Variants in MYLK3 observed in about 807,000 individuals in gnomAD.
MYLK3 encodes myosin light chain kinase 3.
Under a neutral mutation model 76.3 loss-of-function variants are expected in MYLK3, and 55 were observed. That is an observed-to-expected ratio of 0.72 (90% confidence interval 0.58 to 0.90). MYLK3 has a LOEUF of 0.90. MYLK3 is among the 40% of genes least tolerant of loss of function. The pLI is 0.00. For missense variants in MYLK3, 973 were observed against 1,053.6 expected (o/e 0.92, Z 1.06); for synonymous variants, 416 against 425.4 (o/e 0.98, Z 0.27).
exon 1 of MYLK3, chr16:46,763,130 T>G: frequency 1.0e-6 from 1 of 984,452 alleles, no homozygotes; most frequent in Non-Finnish European, 1.2e-6. Flanking sequence ...ACCTCCATCT[T>G]ATACACAGAC....
intron 8 of MYLK3, among the ~76,000 whole-genome samples, chr16:46,722,975 G>C (rs1596754197): frequency 6.6e-6 from 1 of 152,178 alleles, no homozygotes; most frequent in East Asian, 1.9e-4. Context: ...ACCTCCCAAA[G>C]TACTGGGATC....
At chr16:46,729,186 G>C (rs1475402978) in intron 6 of MYLK3, 53 bp from the exon 7 acceptor site, 1 of 1,409,140 alleles carries the variant, frequency 7.1e-7, no homozygotes, top group Admixed American at 1.7e-5. Context: ...TCAAGAAGAG[G>C]AGCCAGCTGA....
chr16:46,730,728 C>A (rs1442063464), intron 4 of MYLK3, 30 bp from the exon 5 acceptor site: 1 of 1,602,772 alleles, frequency 6.2e-7, no homozygotes, highest in South Asian at 1.1e-5. Context: ...GACCTGTGAG[C>A]CTCCTCTGTG....
At position 46,710,624 on chromosome 16, in the gene MYLK3, C is replaced by A; in HGVS notation, c.2267+13G>T. On this transcript the variant is annotated intron_variant, in intron 11 of 12. Transcript: ENST00000394809. ...ATCAGAAGGGCCCATGAGTGACAAGCAATGAAAGGTACCTCTTCTCTTTGA... is the reference window on the plus strand; with the variant it reads ...ATCAGAAGGGCCCATGAGTGACAAGAAATGAAAGGTACCTCTTCTCTTTGA... 1 of 1,613,960 alleles carries A rather than the reference C, an allele frequency of 6.2e-7. No homozygotes were observed. The highest frequency in any genetic ancestry group is 8.5e-7 in the Non-Finnish European group (1 of 1,180,010).
At chr16:46,729,724 A>T in intron 5 of MYLK3, 37 bp from the exon 6 acceptor site, 1 of 1,586,890 alleles carries the variant, frequency 6.3e-7, no homozygotes, top group Non-Finnish European at 8.7e-7. Flanking sequence ...CTGAGAGCCC[A>T]GAGGCTCATC....
chr16:46,707,773 A>C lies in MYLK3; in HGVS notation c.2401-10T>G, dbSNP rs1386983337. Reference sequence around the variant, plus strand: ...CCACATAGAAATGTTTCTTGAGGCAAGGAGAGAATAAAAGAAAAGAAAAAG... The same window carrying C: ...CCACATAGAAATGTTTCTTGAGGCACGGAGAGAATAAAAGAAAAGAAAAAG... On this transcript the variant is annotated splice_polypyrimidine_tract_variant and intron_variant, in intron 12 of 12. Coordinates refer to ENST00000394809, the MANE Select transcript of MYLK3 (RefSeq NM_182493.3). The C allele has an allele frequency of 1.9e-6, 3 of 1,603,058 alleles. No homozygotes were observed. The Admixed American group carries it at 5.1e-5, about 27-fold the overall frequency.
chr16:46,726,172 A>C (rs1966840100), intron 8 of MYLK3: 1 of 152,166 alleles, frequency 6.6e-6, no homozygotes, highest in Non-Finnish European at 1.5e-5. Context: ...ATTATGTTCC[A>C]TTGGTCTATG....
At chr16:46,748,434 C>G (rs892843028), upstream of MYLK3, 5 of 629,940 alleles carry the variant, frequency 7.9e-6, no homozygotes, top group African/African-American at 9.2e-5. This position sits in a 1 kb window ranked among gnomAD's most constrained non-coding sequence, Gnocchi z 4.3. Flanking sequence ...CCGAGGTCAG[C>G]CCAGGCCCTT....
chr16:46,748,298 T>G lies in MYLK3; in HGVS notation c.-105A>C. The G allele has an allele frequency of 2.1e-6, 3 of 1,458,046 alleles. No individual in the cohort carries two copies. The highest frequency in any genetic ancestry group is 1.8e-6 in the Non-Finnish European group (2 of 1,108,580). The allele number at this position is 1,458,046 out of a possible 1,614,324, so 90.3% of individuals were successfully genotyped here. On this transcript the variant is annotated 5_prime_UTR_variant, in exon 1 of 13. Transcript: ENST00000394809. This position sits in a 1 kb window ranked among gnomAD's most constrained non-coding sequence, Gnocchi z 4.3. ...CTGCAAGGTCATTGTCCTCCGTAGC[T>G]GACAGACTCCTGGCAGCACCAACCT...
At chr16:46,729,488 AG>A in intron 6 of MYLK3, 105 bp downstream of exon 6, 1 of 1,035,684 alleles carries the variant, frequency 9.7e-7, no homozygotes. Context: ...GGAAAAGAGC[AG>A]GAATAAGTAG....
chr16:46,743,592 A>G (rs1231718453), intron 1 of MYLK3, among the ~76,000 whole-genome samples: 1 of 152,226 alleles, frequency 6.6e-6, no homozygotes, highest in East Asian at 1.9e-4. Flanking sequence ...CGCCAGGACC[A>G]GAGGAGAAAT....
At position 46,705,191 on chromosome 16, in the gene MYLK3, G is replaced by A. The variant is rs1421813194; in HGVS notation, c.*2513C>T. 6.6e-6 allele frequency: 1 copy of A among 152,208 alleles called. No homozygotes were observed. Among genetic ancestry groups the A allele is most frequent in the African/African-American group, 2.4e-5 (1 of 41,450 alleles). 9.4% of individuals were successfully genotyped at this position (152,208 alleles called of 1,614,324 possible). On this transcript the variant is annotated 3_prime_UTR_variant, in exon 13 of 13. Transcript: ENST00000394809. Reference sequence around the variant, plus strand: ...AAAAATCCTGAAAGGTAGTGAAACTGTTGCATGTCTAATTAAAATCTAAAA... The same window carrying A: ...AAAAATCCTGAAAGGTAGTGAAACTATTGCATGTCTAATTAAAATCTAAAA...
At chr16:46,724,879 G>T (rs1338223434) in intron 8 of MYLK3, among the ~76,000 whole-genome samples, 2 of 152,122 alleles carry the variant, frequency 1.3e-5, no homozygotes, top group African/African-American at 4.8e-5. Context: ...GATCAATGGG[G>T]GAGTATTGTC....
chr16:46,740,530 TACATAC>T (rs1567289944), intron 1 of MYLK3, among the ~76,000 whole-genome samples: 2 of 36,456 alleles, frequency 5.5e-5, no homozygotes, highest in African/African-American at 7.3e-5. Flanking sequence ...TATATATATA[TACATAC>T]ATATATATAT....
chr16:46,728,000 C>T (rs1966845911), intron 7 of MYLK3, among the ~76,000 whole-genome samples: 1 of 152,208 alleles, frequency 6.6e-6, no homozygotes, highest in Non-Finnish European at 1.5e-5. Context: ...CTATGGAGGC[C>T]AACTCAGACC....
rs1452971787 is a variant in MYLK3 at position 46,702,388 on chromosome 16, A to G, written c.*5316T>C. Among the ~76,000 whole-genome samples the G allele has an allele frequency of 6.6e-6, 1 of 152,206 alleles. No homozygotes were observed. The highest frequency in any genetic ancestry group is 1.5e-5 in the Non-Finnish European group (1 of 68,036). Reference sequence around the variant, plus strand: ...AAGAGGACAGTATAATGAAACCCATACACATCACCTAGACCCAAGTTATTA... The same window carrying G: ...AAGAGGACAGTATAATGAAACCCATGCACATCACCTAGACCCAAGTTATTA... On this transcript the variant is annotated 3_prime_UTR_variant, in exon 13 of 13. Coordinates refer to ENST00000394809, the MANE Select transcript of MYLK3 (RefSeq NM_182493.3).
At chr16:46,727,727 A>G (rs973954079) in intron 7 of MYLK3, among the ~76,000 whole-genome samples, 3 of 152,178 alleles carry the variant, frequency 2.0e-5, no homozygotes, top group Non-Finnish European at 4.4e-5. Context: ...GGGTTTCACC[A>G]TGTCGGTCAG....
chr16:46,762,469 T>TA (rs1967291603), intron 1 of MYLK3, among the ~76,000 whole-genome samples: 1 of 152,098 alleles, frequency 6.6e-6, no homozygotes, highest in South Asian at 2.1e-4. Flanking sequence ...CACGGAGCAA[T>TA]AGACTCCCGC....
intron 9 of MYLK3, among the ~76,000 whole-genome samples, chr16:46,716,925 G>A (rs931904053): frequency 2.6e-5 from 4 of 152,192 alleles, no homozygotes; most frequent in Non-Finnish European, 5.9e-5. Context: ...ACCCAGGGAA[G>A]GCATGGAAGC....
Sources: gnomAD v4.1 joint callset for allele counts (sites outside exome capture counted in the v4.1 genomes callset) on GRCh38, gnomAD v4.1.1 for gene constraint, Gnocchi (gnomAD v3.1) non-coding constraint, MANE v1.5 for transcripts, NCBI Gene and HGNC (gene_info 2026-07-23, HGNC 2026-07-21) for gene names.